Variants in TENM3 observed in about 807,000 individuals in gnomAD.
The protein encoded by TENM3 is teneurin-3.
A neutral mutation model predicts 255.1 loss-of-function variants in TENM3; 63 were observed. That is an observed-to-expected ratio of 0.25 (90% confidence interval 0.20 to 0.30). The LOEUF (loss-of-function observed/expected upper bound fraction) is 0.30. Among genes scored for constraint, TENM3 ranks in the 10% least tolerant of loss-of-function variants. TENM3 has a pLI of 1.00. For missense variants in TENM3, 2,929 were observed against 3,461.1 expected (o/e 0.85, Z 3.86); for synonymous variants, 1,306 against 1,322.3 (o/e 0.99, Z 0.27).
At chr4:181,666,617 A>G in the TENM3 span, among the ~76,000 whole-genome samples, 8 of 152,164 alleles carry the variant, frequency 5.3e-5, no homozygotes, top group Non-Finnish European at 1.2e-4. Context: ...GGTACATAAT[A>G]AAAATGTACT....
At chr4:182,146,853 T>A (rs1750003241) in intron 1 of TENM3, among the ~76,000 whole-genome samples, 1 of 152,198 alleles carries the variant, frequency 6.6e-6, no homozygotes. Flanking sequence ...TAGTTATTCC[T>A]CCAAACGGGA....
intron 3 of TENM3, among the ~76,000 whole-genome samples, chr4:182,418,562 G>A (rs1384794064): frequency 6.6e-6 from 1 of 151,958 alleles, no homozygotes; most frequent in African/African-American, 2.4e-5. Flanking sequence ...TAGTGTTTTT[G>A]TTTTTGTTTG....
intron 13 of TENM3, among the ~76,000 whole-genome samples, chr4:182,719,859 G>A (rs1759563079): frequency 6.6e-6 from 1 of 152,070 alleles, no homozygotes; most frequent in Non-Finnish European, 1.5e-5. Flanking sequence ...CCAGGAGTTT[G>A]ATATCAGCCT....
At chr4:182,447,944 G>C (rs17073317) in intron 3 of TENM3, among the ~76,000 whole-genome samples, 15,890 of 152,124 alleles carry the variant, frequency 0.1, 904 homozygotes, top group East Asian at 0.14. Flanking sequence ...AGTGGATCTG[G>C]AGGGGAAAAA....
the TENM3 span, among the ~76,000 whole-genome samples, chr4:181,511,216 G>A: frequency 1.8e-4 from 28 of 152,324 alleles, no homozygotes; most frequent in South Asian, 2.1e-4. Context: ...AGTTTGTGTC[G>A]TAAGAGGAAC....
the TENM3 span, among the ~76,000 whole-genome samples, chr4:181,847,746 A>T: frequency 2.0e-5 from 3 of 152,008 alleles, no homozygotes; most frequent in Non-Finnish European, 2.9e-5. Flanking sequence ...ACGTACACAT[A>T]TGTATCTAAT....
intron 3 of TENM3, among the ~76,000 whole-genome samples, chr4:182,425,355 A>T (rs1771125035): frequency 6.6e-6 from 1 of 152,208 alleles, no homozygotes; most frequent in Non-Finnish European, 1.5e-5. Flanking sequence ...ATATATCCTA[A>T]ATGCTGAGAT....
chr4:182,794,220 C>T (rs943102457), intron 26 of TENM3, among the ~76,000 whole-genome samples: 2 of 152,196 alleles, frequency 1.3e-5, no homozygotes, highest in Admixed American at 1.3e-4. Flanking sequence ...AGCTCCTCTC[C>T]CACAAGTTGT....
the TENM3 span, among the ~76,000 whole-genome samples, chr4:181,458,477 A>C: frequency 2.0e-5 from 3 of 151,990 alleles, no homozygotes; most frequent in Non-Finnish European, 4.4e-5. Flanking sequence ...GATGGTCATA[A>C]ATAAATGCTT....
At chr4:182,579,587 A>C (rs966233758) in intron 3 of TENM3, among the ~76,000 whole-genome samples, 2 of 152,212 alleles carry the variant, frequency 1.3e-5, no homozygotes, top group African/African-American at 4.8e-5. Flanking sequence ...GGACAGATGG[A>C]CAGTGCACAT....
intron 1 of TENM3, among the ~76,000 whole-genome samples, chr4:182,272,377 G>C (rs1759700971): frequency 6.6e-6 from 1 of 152,100 alleles, no homozygotes; most frequent in African/African-American, 2.4e-5. Flanking sequence ...TTTACTACAG[G>C]TTTAGATATG....
intron 3 of TENM3, among the ~76,000 whole-genome samples, chr4:182,407,058 T>TTA (rs1769631206): frequency 6.6e-6 from 1 of 152,174 alleles, no homozygotes; most frequent in African/African-American, 2.4e-5. Context: ...GGGAACTTTT[T>TTA]TATCCATGGT....
intron 1 of TENM3, among the ~76,000 whole-genome samples, chr4:182,173,223 G>A (rs1234917237): frequency 2.0e-5 from 3 of 152,148 alleles, no homozygotes; most frequent in Non-Finnish European, 4.4e-5. Context: ...CACCTAAGAG[G>A]CAGCACTTGG....
At chr4:182,689,269 G>A (rs190079381) in intron 12 of TENM3, among the ~76,000 whole-genome samples, 399 of 152,242 alleles carry the variant, frequency 2.6e-3, no homozygotes, top group African/African-American at 9.2e-3. Context: ...TGATAAATCT[G>A]TTGTGGGGAG....
intron 1 of TENM3, among the ~76,000 whole-genome samples, chr4:182,229,631 T>C (rs1264231633): frequency 2.6e-5 from 4 of 151,408 alleles, no homozygotes; most frequent in South Asian, 2.1e-4. Context: ...TGTATATATA[T>C]ATATACACAC....
intron 3 of TENM3, among the ~76,000 whole-genome samples, chr4:182,571,499 C>T (rs778614227): frequency 1.2e-4 from 18 of 152,202 alleles, no homozygotes; most frequent in Non-Finnish European, 2.4e-4. Context: ...CTATTCCCAC[C>T]TGGGTGAGAA....
At chr4:182,549,641 G>A (rs920685303) in intron 3 of TENM3, among the ~76,000 whole-genome samples, 1 of 152,140 alleles carries the variant, frequency 6.6e-6, no homozygotes, top group African/African-American at 2.4e-5. Context: ...TGCTTTTGAA[G>A]TGTTTTCTTT....
the TENM3 span, among the ~76,000 whole-genome samples, chr4:181,568,720 G>C: frequency 6.6e-5 from 10 of 152,136 alleles, no homozygotes; most frequent in African/African-American, 2.4e-4. Flanking sequence ...TGGAGTAGCT[G>C]GCTTAATAGA....
At chr4:181,614,532 A>C in the TENM3 span, among the ~76,000 whole-genome samples, 4 of 152,310 alleles carry the variant, frequency 2.6e-5, no homozygotes, top group African/African-American at 9.6e-5. Flanking sequence ...AGATATTACC[A>C]TGTATTTTAA....
Sources: gnomAD v4.1 joint callset for allele counts (sites outside exome capture counted in the v4.1 genomes callset) on GRCh38, gnomAD v4.1.1 for gene constraint, MANE v1.5 for transcripts, NCBI Gene and HGNC (gene_info 2026-07-23, HGNC 2026-07-21) for gene names.